The following VDR variants were observed in gnomAD, a reference collection of about 807,000 sequenced individuals.
VDR encodes vitamin D receptor.
Under a neutral mutation model 39.7 loss-of-function variants are expected in VDR, and 19 were observed. That is an observed-to-expected ratio of 0.48 (90% CI 0.33 to 0.70). The LOEUF (loss-of-function observed/expected upper bound fraction) is 0.70. Among genes scored for constraint, VDR ranks in the 30% least tolerant of loss-of-function variants. The pLI is 0.02. For synonymous variants in VDR, 242 were observed against 215.8 expected (o/e 1.12, Z -1.07); for missense variants, 442 against 570.5 (o/e 0.77, Z 2.29).
intron 1 of VDR, among the ~76,000 whole-genome samples, chr12:47,891,555 T>G (rs369815132): frequency 2.6e-4 from 40 of 152,168 alleles, no homozygotes; most frequent in African/African-American, 9.6e-4. Flanking sequence ...CCCCACCCAC[T>G]GTCTGTGGCT....
intron 2 of VDR, among the ~76,000 whole-genome samples, chr12:47,879,559 G>A (rs937305370): frequency 6.6e-6 from 1 of 152,126 alleles, no homozygotes; most frequent in Non-Finnish European, 1.5e-5. Context: ...CCCCTCCAAG[G>A]GAAAATGAGA....
At chr12:47,885,527 A>G (rs1462970640) in intron 1 of VDR, among the ~76,000 whole-genome samples, 1 of 152,208 alleles carries the variant, frequency 6.6e-6, no homozygotes, top group Non-Finnish European at 1.5e-5. Context: ...GACAAAAATC[A>G]AAGTCCCTCA....
At chr12:47,891,272 C>T (rs1946364205) in intron 1 of VDR, among the ~76,000 whole-genome samples, 1 of 152,190 alleles carries the variant, frequency 6.6e-6, no homozygotes, top group Non-Finnish European at 1.5e-5. Context: ...ACCTGAGTCT[C>T]AGTTCTTGTG....
chr12:47,855,496 C>T (rs556142295), intron 7 of VDR, 134 bp downstream of exon 7: 140 of 1,070,754 alleles, frequency 1.3e-4, no homozygotes, highest in East Asian at 3.1e-4. Flanking sequence ...CTCCAGCCTG[C>T]GTGACAGAGC....
rs550308645 is a variant in VDR at position 47,844,773 on chromosome 12, G to A, written c.1257C>T (p.Leu419=). 7.0e-5 allele frequency: 113 copies of A among 1,614,068 alleles called. No homozygotes were observed. The highest frequency in any genetic ancestry group is 3.6e-4 in the African/African-American group (27 of 75,018). The change falls in exon 10 of 10, where the codon CTC becomes CTT. Residue 419 remains leucine (L), a synonymous_variant. Coordinates refer to ENST00000549336, the MANE Select transcript of VDR (RefSeq NM_000376.3). ...ECSMKLTPLV[L]EVFGNEIS Reference sequence around the variant, plus strand: ...AGGAGATCTCATTGCCAAACACTTCGAGCACAAGGGGCGTTAGCTTCATGC... The same window carrying A: ...AGGAGATCTCATTGCCAAACACTTCAAGCACAAGGGGCGTTAGCTTCATGC...
Position 47,891,671 on chromosome 12 carries a change from G to A in VDR, c.-83-8897C>T, listed in dbSNP as rs148413704. ...CTACAAATCTGGACTTTTCCTCCAC[G>A]TAAAACATAAAGCCTGTGGCTCCCA... is the stretch of plus-strand genomic sequence containing the variant. On this transcript the variant is annotated intron_variant, in intron 1 of 9. Coordinates refer to ENST00000549336, the MANE Select transcript of VDR (RefSeq NM_000376.3). 3.6e-3 allele frequency among the ~76,000 whole-genome samples: 546 copies of A among 152,274 alleles called. 3 individuals are homozygous for A. Among genetic ancestry groups the A allele is most frequent in the African/African-American group, 0.012 (503 of 41,542 alleles).
intron 7 of VDR, among the ~76,000 whole-genome samples, chr12:47,849,160 C>G (rs913350164): frequency 2.6e-5 from 4 of 152,136 alleles, no homozygotes; most frequent in African/African-American, 9.7e-5. Context: ...GCTGTCACCC[C>G]GTCAATGGCT....
At chr12:47,891,512 A>C (rs1946368071) in intron 1 of VDR, among the ~76,000 whole-genome samples, 1 of 150,566 alleles carries the variant, frequency 6.6e-6, no homozygotes, top group Non-Finnish European at 1.5e-5. Context: ...CCAGAAAGCC[A>C]CAATTTTGCT....
Position 47,844,898 on chromosome 12 carries a change from G to T in VDR, c.1132C>A (p.Leu378Met). The T allele has an allele frequency of 6.2e-7, 1 of 1,614,200 alleles. No homozygotes were observed. The highest frequency in any genetic ancestry group is 8.5e-7 in the Non-Finnish European group (1 of 1,180,020). The change falls in exon 10 of 10, where the codon CTG becomes ATG. Residue 378 changes from leucine (L) to methionine (M), a missense_variant. Leu to Met is a conservative substitution (Grantham distance 15, BLOSUM62 2). Coordinates refer to ENST00000549336, the MANE Select transcript of VDR (RefSeq NM_000376.3). ...RCRHPPPGSH[L>M]LYAKMIQKLA... ...TTCTGGATCATCTTGGCATAGAGCA[G>T]GTGGCTGCCCGGGGGCGGGTGGCGG... is the stretch of plus-strand genomic sequence containing the variant.
chr12:47,868,905 C>A (rs980171440), intron 3 of VDR, among the ~76,000 whole-genome samples: 1 of 152,186 alleles, frequency 6.6e-6, no homozygotes, highest in Non-Finnish European at 1.5e-5. Context: ...AAGAAGACAG[C>A]ACATCGTCAG....
rs11574025 is a variant in VDR at position 47,894,736 on chromosome 12, C to T, written c.-84+10219G>A. ...GCTCAGAGTGACAGGCAGGGTGGGG[C>T]GGGGGAGGCTGGCCTTGGGCCACTA... On this transcript the variant is annotated intron_variant, in intron 1 of 9. Transcript: ENST00000549336. Among the ~76,000 whole-genome samples, 489 of 152,278 alleles carry T rather than the reference C, an allele frequency of 3.2e-3. 3 individuals are homozygous for T. Among genetic ancestry groups the T allele is most frequent in the African/African-American group, 0.011 (450 of 41,548 alleles).
At chr12:47,883,073 CCTT>C (rs968873910) in intron 1 of VDR, 10 of 359,712 alleles carry the variant, frequency 2.8e-5, no homozygotes, top group African/African-American at 1.5e-4. Flanking sequence ...CCTAGGCACT[CCTT>C]CTCCTCTCAC....
chr12:47,879,046 A>G lies in VDR; in HGVS notation c.68T>C (p.Ile23Thr). The G allele has an allele frequency of 5.6e-6, 9 of 1,614,160 alleles. No individual in the cohort carries two copies. The highest frequency in any genetic ancestry group is 7.6e-6 in the Non-Finnish European group (9 of 1,180,008). Reference sequence around the variant, plus strand: ...GGCTCGGTCTCCACACACCCCACAGATCCGGGGCACGTTCCGGTCAAAGTC... The same window carrying G: ...GGCTCGGTCTCCACACACCCCACAGGTCCGGGGCACGTTCCGGTCAAAGTC... ...PGDFDRNVPR[I>T]CGVCGDRATG... is the part of the protein sequence containing the mutation. Residue 23 changes from isoleucine to threonine, a missense_variant, in exon 3 of 10, where the codon ATC becomes ACC. By Grantham distance (89) the Ile-to-Thr change is moderately conservative (BLOSUM62 -1). Coordinates refer to ENST00000549336, the MANE Select transcript of VDR (RefSeq NM_000376.3).
chr12:47,871,358 C>CTTTCTTTCTTTT (rs1555153491), intron 3 of VDR, among the ~76,000 whole-genome samples: 1 of 112,918 alleles, frequency 8.9e-6, no homozygotes, highest in African/African-American at 3.3e-5. Context: ...TTCTTTCTTT[C>CTTTCTTTCTTTT]CTTTCTCTCT....
intron 6 of VDR, 46 bp downstream of exon 6, chr12:47,857,083 C>A: frequency 6.2e-7 from 1 of 1,612,388 alleles, no homozygotes; most frequent in Non-Finnish European, 8.5e-7. Flanking sequence ...CGGTGGACTC[C>A]TCGCCCCCGC....
chr12:47,897,716 G>T (rs1230670632), intron 1 of VDR, among the ~76,000 whole-genome samples: 1 of 152,070 alleles, frequency 6.6e-6, no homozygotes, highest in South Asian at 2.1e-4. Context: ...CCATGGCATC[G>T]CCTCTGTTCC....
At chr12:47,871,317 T>TCTTTCTTTCTTC (rs1255162335) in intron 3 of VDR, among the ~76,000 whole-genome samples, 16 of 140,384 alleles carry the variant, frequency 1.1e-4, no homozygotes, top group Non-Finnish European at 2.0e-4. Flanking sequence ...TTTCTTTCTT[T>TCTTTCTTTCTTC]CTTTCTTTCT....
At chr12:47,872,449 G>A (rs1565623615) in intron 3 of VDR, among the ~76,000 whole-genome samples, 1 of 152,222 alleles carries the variant, frequency 6.6e-6, no homozygotes, top group Non-Finnish European at 1.5e-5. Flanking sequence ...GACCCCTGAA[G>A]CAGACACCAT....
chr12:47,860,947 A>G (rs1054266677), intron 4 of VDR, among the ~76,000 whole-genome samples: 8 of 152,252 alleles, frequency 5.3e-5, no homozygotes, highest in Non-Finnish European at 8.8e-5. Flanking sequence ...CCTTTTGTAT[A>G]TTAACTCATA....
Sources: allele counts gnomAD v4.1 joint callset (sites outside exome capture counted in the v4.1 genomes callset), GRCh38; gene constraint gnomAD v4.1.1; transcripts MANE v1.5; gene names NCBI Gene and HGNC (gene_info 2026-07-23, HGNC 2026-07-21).